ZNF385B: variants seen among roughly 807,000 people sequenced by gnomAD.
The protein encoded by ZNF385B is zinc finger protein 533.
ZNF385B carries 23 observed loss-of-function variants against 39.2 expected under a neutral mutation model. The ratio of observed to expected loss-of-function variants is 0.59; its 90% CI spans 0.42 to 0.83. The LOEUF is 0.83. ZNF385B is among the 40% of genes least tolerant of loss of function. The pLI, the probability that ZNF385B is intolerant of heterozygous loss-of-function variation, is 0.00. For synonymous variants in ZNF385B, 205 were observed against 222.6 expected (o/e 0.92, Z 0.70); for missense variants, 552 against 598.9 (o/e 0.92, Z 0.82).
At chr2:179,756,069 T>C (rs1702993352) in intron 3 of ZNF385B, among the ~76,000 whole-genome samples, 1 of 152,168 alleles carries the variant, frequency 6.6e-6, no homozygotes, top group Non-Finnish European at 1.5e-5. Flanking sequence ...AGTTTCTTCC[T>C]AGCCTCAATG....
At chr2:179,846,480 T>C (rs533530251) in intron 1 of ZNF385B, among the ~76,000 whole-genome samples, 62 of 152,292 alleles carry the variant, frequency 4.1e-4, no homozygotes, top group Non-Finnish European at 1.5e-5. Flanking sequence ...CTTATCTATT[T>C]GTGTGGTTCT....
chr2:179,572,977 A>G lies in ZNF385B; in HGVS notation c.299-28008T>C, dbSNP rs73976418. ...AAAATATGTGGCTATCATTAAAGTT[A>G]CTAGGACTATTTAATAAATAATAAA... On this transcript the variant is annotated intron_variant, in intron 3 of 9. Transcript: ENST00000410066. 4.4e-3 allele frequency among the ~76,000 whole-genome samples: 667 copies of G among 152,332 alleles called. 6 individuals are homozygous for G. The highest frequency in any genetic ancestry group is 0.016 in the African/African-American group (645 of 41,570).
intron 4 of ZNF385B, among the ~76,000 whole-genome samples, chr2:179,541,019 C>T (rs1186616408): frequency 6.6e-6 from 1 of 152,150 alleles, no homozygotes; most frequent in Non-Finnish European, 1.5e-5. Flanking sequence ...TTTTGGTCCA[C>T]ACAGGCTTTT....
chr2:179,715,598 G>A (rs1291249509), intron 3 of ZNF385B, among the ~76,000 whole-genome samples: 2 of 152,118 alleles, frequency 1.3e-5, no homozygotes, highest in African/African-American at 4.8e-5. Flanking sequence ...CAGTGAACAT[G>A]TAATAAAATC....
intron 3 of ZNF385B, among the ~76,000 whole-genome samples, chr2:179,594,797 C>CTTTTT (rs35322965): frequency 1.4e-5 from 2 of 145,420 alleles, no homozygotes; most frequent in Non-Finnish European, 1.5e-5. Context: ...TAGGTAAACT[C>CTTTTT]TTTTTTTTTT....
chr2:179,702,622 T>C (rs1386370786), intron 3 of ZNF385B, among the ~76,000 whole-genome samples: 1 of 152,200 alleles, frequency 6.6e-6, no homozygotes, highest in Admixed American at 6.5e-5. Flanking sequence ...ATAATGAGAC[T>C]GGTTCCTGTA....
intron 3 of ZNF385B, among the ~76,000 whole-genome samples, chr2:179,615,095 T>C (rs1383707319): frequency 1.3e-5 from 2 of 152,214 alleles, no homozygotes; most frequent in Non-Finnish European, 2.9e-5. Context: ...TCAGCAGCTA[T>C]CCTTTTCTTG....
chr2:179,460,309 C>T (rs1252505073), intron 6 of ZNF385B, among the ~76,000 whole-genome samples: 1 of 152,032 alleles, frequency 6.6e-6, no homozygotes, highest in Non-Finnish European at 1.5e-5. Flanking sequence ...GGCTGGCTGT[C>T]CTCACTCAGT....
intron 3 of ZNF385B, 76 bp from the exon 4 acceptor site, chr2:179,545,045 C>T: frequency 8.8e-6 from 14 of 1,592,864 alleles, no homozygotes; most frequent in Non-Finnish European, 1.2e-5. Context: ...AGTGCAAGAA[C>T]AAGTCTGTTG....
chr2:179,461,626 C>T (rs2051354848), intron 6 of ZNF385B, among the ~76,000 whole-genome samples: 1 of 152,120 alleles, frequency 6.6e-6, no homozygotes, highest in African/African-American at 2.4e-5. Context: ...TTTCTAATTC[C>T]ATTTTTGACT....
intron 3 of ZNF385B, among the ~76,000 whole-genome samples, chr2:179,676,741 G>T (rs773737700): frequency 1.4e-4 from 21 of 152,080 alleles, no homozygotes; most frequent in Non-Finnish European, 4.4e-5. Flanking sequence ...TCACTGGGGG[G>T]GATTTTGTCC....
chr2:179,529,725 A>T (rs537070032), intron 4 of ZNF385B, among the ~76,000 whole-genome samples: 2 of 152,314 alleles, frequency 1.3e-5, no homozygotes, highest in Admixed American at 6.5e-5. Flanking sequence ...CTGTCCTCAA[A>T]GTACTTATAC....
chr2:179,803,464 A>G (rs1220231751), intron 1 of ZNF385B, among the ~76,000 whole-genome samples: 1 of 152,182 alleles, frequency 6.6e-6, no homozygotes, highest in Admixed American at 6.6e-5. Flanking sequence ...AAACAGTCTT[A>G]ATATAAACAT....
rs536672340 is a variant in ZNF385B, at chr2:179,456,190, T to C, written c.716-9420A>G. ...CAGACATCTCTGAAAACTCATCTGA[T>C]AATTTCCTCAGGACATGAACTTTGA... On this transcript the variant is annotated intron_variant, in intron 6 of 9. Transcript: ENST00000410066. 3.3e-5 allele frequency among the ~76,000 whole-genome samples: 5 copies of C among 152,326 alleles called. No homozygotes were observed. The South Asian group carries it at 1.0e-3, about 32-fold the overall frequency.
At chr2:179,772,989 A>C (rs1339972526) in intron 1 of ZNF385B, among the ~76,000 whole-genome samples, 3 of 152,226 alleles carry the variant, frequency 2.0e-5, no homozygotes, top group Non-Finnish European at 4.4e-5. Flanking sequence ...GAATGAGAAA[A>C]TGTTGGTCCT....
intron 3 of ZNF385B, among the ~76,000 whole-genome samples, chr2:179,729,066 A>G (rs1219967898): frequency 6.6e-6 from 1 of 151,800 alleles, no homozygotes; most frequent in Admixed American, 6.6e-5. Context: ...TTTAGTTCAC[A>G]TAAAATATTT....
chr2:179,844,401 T>C (rs1186000523), intron 1 of ZNF385B, among the ~76,000 whole-genome samples: 1 of 152,206 alleles, frequency 6.6e-6, no homozygotes, highest in African/African-American at 2.4e-5. Context: ...CTTAAAAAGA[T>C]TTCTCAACTT....
In ZNF385B at chr2:179,443,371, G is replaced by A; in HGVS notation, c.1340C>T (p.Ser447Leu). The change falls in exon 10 of 10, where the codon TCA (serine) becomes TTA (leucine). Residue 447 changes from serine to leucine, a missense_variant. Coordinates refer to ENST00000410066, the MANE Select transcript of ZNF385B (RefSeq NM_152520.6). ...AAAAAVSSAL[S>L]LPPRPSASLF... ...CGAGGCAGAGGGCCGGGGTGGGAGT[G>A]ACAGCGCTGAGGACACGGCTGCCGC... 6.2e-7 allele frequency: 1 copy of A among 1,612,284 alleles called. No homozygotes were observed. The highest frequency in any genetic ancestry group is 8.5e-7 in the Non-Finnish European group (1 of 1,179,344).
intron 5 of ZNF385B, among the ~76,000 whole-genome samples, chr2:179,489,146 C>T (rs548509877): frequency 1.8e-4 from 28 of 152,186 alleles, no homozygotes; most frequent in African/African-American, 6.7e-4. Flanking sequence ...GGCCGGGCTC[C>T]GAAGTGGCAG....
Sources: gnomAD v4.1 joint callset for allele counts (sites outside exome capture counted in the v4.1 genomes callset) on GRCh38, gnomAD v4.1.1 for gene constraint, MANE v1.5 for transcripts, NCBI Gene and HGNC (gene_info 2026-07-23, HGNC 2026-07-21) for gene names.